The following FILIP1L variants were observed in gnomAD, a reference collection of about 807,000 sequenced individuals.
FILIP1L encodes the protein filamin A interacting protein 1 like, also known as filamin A-interacting protein 1-like.
A neutral mutation model predicts 96.6 loss-of-function variants in FILIP1L; 55 were observed. That is an observed-to-expected ratio of 0.57 (90% CI 0.46 to 0.71). The LOEUF is 0.71. Among genes scored for constraint, FILIP1L ranks in the 30% least tolerant of loss-of-function variants. The pLI is 0.00. For synonymous variants in FILIP1L, 467 were observed against 473.9 expected (o/e 0.99, Z 0.19); for missense variants, 1,304 against 1,321.2 (o/e 0.99, Z 0.20).
At chr3:100,039,492 T>C (rs977817019) in intron 1 of FILIP1L, among the ~76,000 whole-genome samples, 3 of 152,104 alleles carry the variant, frequency 2.0e-5, no homozygotes, top group Non-Finnish European at 4.4e-5. Flanking sequence ...AACAGTAAAA[T>C]TTATTTCAAA....
At chr3:99,879,713 G>A (rs1203572235) in intron 4 of FILIP1L, among the ~76,000 whole-genome samples, 1 of 152,196 alleles carries the variant, frequency 6.6e-6, no homozygotes, top group Non-Finnish European at 1.5e-5. Flanking sequence ...CTATGAGATG[G>A]TAATGCTAAC....
intron 4 of FILIP1L, among the ~76,000 whole-genome samples, chr3:99,861,199 A>G (rs182518145): frequency 1.3e-5 from 2 of 152,144 alleles, no homozygotes; most frequent in East Asian, 3.9e-4. Flanking sequence ...CGCCCTCCCA[A>G]AAAAAATTAC....
At chr3:99,878,368 T>C (rs1559673119) in intron 4 of FILIP1L, among the ~76,000 whole-genome samples, 1 of 152,264 alleles carries the variant, frequency 6.6e-6, no homozygotes, top group Admixed American at 6.5e-5. Flanking sequence ...TAAAGACATT[T>C]AGAAGGCTAA....
intron 4 of FILIP1L, among the ~76,000 whole-genome samples, chr3:99,901,632 A>G (rs1209780524): frequency 1.3e-5 from 2 of 152,356 alleles, no homozygotes; most frequent in South Asian, 2.1e-4. Flanking sequence ...AGCGATGTGT[A>G]TTCTAAAGCT....
chr3:100,037,968 G>GGA (rs2065138667), intron 1 of FILIP1L, among the ~76,000 whole-genome samples: 2 of 15,078 alleles, frequency 1.3e-4, no homozygotes, highest in African/African-American at 2.7e-4. Context: ...GGGGGGGAGG[G>GGA]AACAGAGTCT....
At chr3:99,947,568 T>C (rs1708048749) in intron 1 of FILIP1L, among the ~76,000 whole-genome samples, 1 of 152,214 alleles carries the variant, frequency 6.6e-6, no homozygotes, top group African/African-American at 2.4e-5. Flanking sequence ...CAGGAGTCCA[T>C]GAGAACTGTC....
chr3:99,896,145 C>T (rs1291158750), intron 4 of FILIP1L, among the ~76,000 whole-genome samples: 2 of 152,012 alleles, frequency 1.3e-5, no homozygotes, highest in Admixed American at 1.3e-4. Context: ...GTGTGAATAA[C>T]TGCTAATGGT....
At chr3:99,916,689 G>A (rs1207116227) in intron 4 of FILIP1L, among the ~76,000 whole-genome samples, 2 of 152,158 alleles carry the variant, frequency 1.3e-5, no homozygotes, top group South Asian at 2.1e-4. Context: ...CAAATAGCCA[G>A]TAGGATCAGA....
intron 1 of FILIP1L, among the ~76,000 whole-genome samples, chr3:99,982,802 T>G (rs561467630): frequency 6.6e-5 from 10 of 152,348 alleles, no homozygotes; most frequent in East Asian, 5.8e-4. Flanking sequence ...ATAAAATTTG[T>G]GATGACAATT....
At chr3:99,907,309 G>C (rs959946330) in intron 4 of FILIP1L, among the ~76,000 whole-genome samples, 5 of 151,828 alleles carry the variant, frequency 3.3e-5, no homozygotes, top group Non-Finnish European at 5.9e-5. Flanking sequence ...GTGCAGTGGC[G>C]CAATCTCAGC....
At chr3:99,911,037 C>T (rs1482876045) in intron 4 of FILIP1L, among the ~76,000 whole-genome samples, 1 of 151,960 alleles carries the variant, frequency 6.6e-6, no homozygotes, top group Admixed American at 6.6e-5. Context: ...ATCTCATTGC[C>T]GTTTGTTCAT....
intron 4 of FILIP1L, among the ~76,000 whole-genome samples, chr3:99,918,664 A>C (rs1478262207): frequency 2.0e-5 from 3 of 152,054 alleles, no homozygotes; most frequent in Admixed American, 6.5e-5. Flanking sequence ...AAGTTAAGTC[A>C]TGATGGACGG....
chr3:99,984,744 T>C (rs1709280964), intron 1 of FILIP1L, among the ~76,000 whole-genome samples: 1 of 152,234 alleles, frequency 6.6e-6, no homozygotes, highest in African/African-American at 2.4e-5. Flanking sequence ...GAAAGATCTA[T>C]GTTTTACTCA....
intron 4 of FILIP1L, among the ~76,000 whole-genome samples, chr3:99,901,900 C>T (rs1339955904): frequency 6.6e-6 from 1 of 152,028 alleles, no homozygotes; most frequent in Non-Finnish European, 1.5e-5. Flanking sequence ...CCTAGTAGAG[C>T]TCAGCATAAT....
intron 1 of FILIP1L, among the ~76,000 whole-genome samples, chr3:99,964,135 T>C (rs1002977793): frequency 2.6e-5 from 4 of 152,006 alleles, no homozygotes; most frequent in South Asian, 2.1e-4. Context: ...TATAGACTTA[T>C]ATGCTCAGTA....
chr3:99,924,468 T>A, intron 3 of FILIP1L, 60 bp from the exon 4 acceptor site: 1 of 1,492,526 alleles, frequency 6.7e-7, no homozygotes, highest in Non-Finnish European at 9.2e-7. Context: ...TGTCTTTCAC[T>A]CTTTTAGAAA....
At chr3:100,102,125 G>A (rs562584809) in intron 1 of FILIP1L, among the ~76,000 whole-genome samples, 94 of 152,146 alleles carry the variant, frequency 6.2e-4, no homozygotes, top group South Asian at 1.7e-3. Flanking sequence ...TAATCCTTTG[G>A]GTATATACCC....
chr3:99,886,187 G>A (rs892261563), intron 4 of FILIP1L, among the ~76,000 whole-genome samples: 4 of 152,116 alleles, frequency 2.6e-5, no homozygotes, highest in Admixed American at 1.3e-4. Context: ...GAGGTATTCA[G>A]CAACTATTTG....
chr3:99,888,587 A>G (rs1705982875), intron 4 of FILIP1L, among the ~76,000 whole-genome samples: 1 of 152,192 alleles, frequency 6.6e-6, no homozygotes, highest in African/African-American at 2.4e-5. Flanking sequence ...ATCACTGAAA[A>G]TAGAGAGAGG....
Sources: allele counts gnomAD v4.1 joint callset (sites outside exome capture counted in the v4.1 genomes callset), GRCh38; gene constraint gnomAD v4.1.1; transcripts MANE v1.5; gene names NCBI Gene and HGNC (gene_info 2026-07-23, HGNC 2026-07-21).